Variants in TMEM260 observed in about 807,000 individuals in gnomAD.
The protein encoded by TMEM260 is transmembrane protein 260.
Under a neutral mutation model 88.9 loss-of-function variants are expected in TMEM260, and 82 were observed. That is an observed-to-expected ratio of 0.92 (90% CI 0.77 to 1.11). The LOEUF (loss-of-function observed/expected upper bound fraction) is 1.11, where lower values mean the gene tolerates loss of function less well. Among genes scored for constraint, TMEM260 ranks in the 50% least tolerant of loss-of-function variants. The probability of loss-of-function intolerance (pLI) is 0.00; values close to 1 mark genes in which losing one functional copy is unlikely to be tolerated. For synonymous variants in TMEM260, 314 were observed against 309.3 expected (o/e 1.02, Z -0.16); for missense variants, 902 against 853.4 (o/e 1.06, Z -0.71).
intron 7 of TMEM260, chr14:56,613,948 G>T (rs1240156103): frequency 6.6e-6 from 1 of 151,498 alleles, no homozygotes; most frequent in Admixed American, 6.6e-5. Context: ...TGTCACCCAG[G>T]CTGGAGTGCA....
At chr14:56,612,534 G>T in intron 7 of TMEM260, 1 of 497,628 alleles carries the variant, frequency 2.0e-6, no homozygotes, top group Non-Finnish European at 3.6e-6. Context: ...CATAATATTT[G>T]TATATAACCT....
downstream of TMEM260, chr14:56,650,356 G>A (rs1221498137): frequency 4.1e-6 from 1 of 244,186 alleles, no homozygotes; most frequent in Non-Finnish European, 8.2e-6. Flanking sequence ...GAGGGCAAGT[G>A]GAGAAGCGGA....
chr14:56,617,268 G>T lies in TMEM260; in HGVS notation c.1027G>T (p.Asp343Tyr). 6.3e-7 allele frequency: 1 copy of T among 1,599,780 alleles called. No homozygotes were observed. The highest frequency in any genetic ancestry group is 2.3e-5 in the East Asian group (1 of 44,034). ...SLFFAWRANL[D>Y]ISKPLFMGVV... ...GTTCTTTGCTTGGAGAGCAAATTTA[G>T]ATATTTCAAAACCACTTTTCATGGG... The change falls in exon 9 of 16, where the codon GAT becomes TAT. Residue 343 changes from aspartate (D) to tyrosine (Y), a missense_variant. By Grantham distance (160) the Asp-to-Tyr change is radical (BLOSUM62 -3). Transcript: ENST00000261556.
At chr14:56,640,609 A>G (rs1276017163) in intron 15 of TMEM260, among the ~76,000 whole-genome samples, 1 of 152,248 alleles carries the variant, frequency 6.6e-6, no homozygotes, top group African/African-American at 2.4e-5. Context: ...AAAGGAGCAC[A>G]GCTCCTCACC....
At chr14:56,603,078 T>A (rs531494354) in intron 3 of TMEM260, among the ~76,000 whole-genome samples, 16 of 152,268 alleles carry the variant, frequency 1.1e-4, no homozygotes, top group South Asian at 1.0e-3. Context: ...TCAAAACAAA[T>A]CTCTGAACCG....
chr14:56,660,787 T>C, the TMEM260 span, among the ~76,000 whole-genome samples: 1 of 152,082 alleles, frequency 6.6e-6, no homozygotes, highest in Non-Finnish European at 1.5e-5. Context: ...AGGTTCTGTC[T>C]CTGTCTCGCT....
chr14:56,618,729 C>G lies in TMEM260; in HGVS notation c.1192C>G (p.Leu398Val), dbSNP rs779052468. 62 of 1,614,038 alleles carry G rather than the reference C, an allele frequency of 3.8e-5. No homozygotes were observed. Among genetic ancestry groups the G allele is most frequent in the Middle Eastern group, 1.6e-4 (1 of 6,084 alleles). Residue 398 changes from leucine to valine, a missense_variant, in exon 10 of 16, where the codon CTT becomes GTT. Leu to Val is a conservative substitution (Grantham distance 32, BLOSUM62 1). Coordinates refer to ENST00000261556, the MANE Select transcript of TMEM260 (RefSeq NM_017799.4). ...LQCLEWLSAT[L>V]FVVYQIYSNY... ...GTGTCTGGAATGGCTTTCTGCAACT[C>G]TTTTTGTAGTTTACCAAATATATTC...
intron 13 of TMEM260, 42 bp from the exon 14 acceptor site, chr14:56,634,857 A>AG: frequency 6.5e-7 from 1 of 1,546,354 alleles, no homozygotes. Context: ...AAAAAAAAAA[A>AG]GTGGGTGACA....
At chr14:56,624,840 G>A (rs7152912) in intron 11 of TMEM260, among the ~76,000 whole-genome samples, 1,913 of 149,672 alleles carry the variant, frequency 0.013, 54 homozygotes, top group African/African-American at 0.044. Flanking sequence ...TTACACCAGG[G>A]ACCGGTTTTG....
At chr14:56,640,532 C>T (rs937231922) in intron 15 of TMEM260, among the ~76,000 whole-genome samples, 1 of 152,016 alleles carries the variant, frequency 6.6e-6, no homozygotes, top group African/African-American at 2.4e-5. Flanking sequence ...TAGATAAAAC[C>T]ACAGAGATGG....
chr14:56,611,535 A>G (rs570743036), intron 6 of TMEM260, among the ~76,000 whole-genome samples: 1 of 152,324 alleles, frequency 6.6e-6, no homozygotes, highest in Non-Finnish European at 1.5e-5. Flanking sequence ...TGAAAAAGTC[A>G]AAAAACATGC....
intron 3 of TMEM260, among the ~76,000 whole-genome samples, chr14:56,600,900 A>G (rs1243136243): frequency 6.6e-6 from 1 of 152,198 alleles, no homozygotes; most frequent in Admixed American, 6.5e-5. Context: ...CTTGTCTTCT[A>G]CTATTTTACT....
chr14:56,635,044 T>C, intron 14 of TMEM260, 92 bp downstream of exon 14: 2 of 1,063,654 alleles, frequency 1.9e-6, no homozygotes, highest in African/African-American at 1.6e-5. Context: ...TAGGGGTGAG[T>C]AGTGATAATA....
In TMEM260 at chr14:56,633,067, A is replaced by C; in HGVS notation, c.1620A>C (p.Pro540=). 1 of 1,614,014 alleles carries C rather than the reference A, an allele frequency of 6.2e-7. No homozygotes were observed. Among genetic ancestry groups the C allele is most frequent in the Non-Finnish European group, 8.5e-7 (1 of 1,179,942 alleles). ...PTWKKNYSLW[P]WGSCDKLVPL... ...GGAAAAAGAACTATTCACTTTGGCCATGGGGGTCTTGTGACAAATTAGTTC... is the reference window on the plus strand; with the variant it reads ...GGAAAAAGAACTATTCACTTTGGCCCTGGGGGTCTTGTGACAAATTAGTTC... Residue 540 remains proline (P), a synonymous_variant, in exon 13 of 16, where the codon CCA becomes CCC. Transcript: ENST00000261556.
At chr14:56,617,334 T>C (rs1402126577) in intron 9 of TMEM260, 37 bp downstream of exon 9, 2 of 1,391,474 alleles carry the variant, frequency 1.4e-6, no homozygotes, top group Non-Finnish European at 2.0e-6. Context: ...GACCAGAAAG[T>C]TTGTGAAGAA....
chr14:56,610,992 A>C (rs1439276868), intron 6 of TMEM260, among the ~76,000 whole-genome samples: 4 of 138,760 alleles, frequency 2.9e-5, no homozygotes, highest in Non-Finnish European at 6.0e-5. Context: ...TTTGAGACAG[A>C]GTCTCACTCT....
chr14:56,579,549 C>A, upstream of TMEM260: 1 of 200,172 alleles, frequency 5.0e-6, no homozygotes, highest in Admixed American at 6.0e-5. Flanking sequence ...GCTTTGGTCT[C>A]TGTCAGACCC....
In TMEM260 at chr14:56,632,033, T is replaced by C. The variant is rs1888645083; in HGVS notation, c.1548-962T>C. Among the ~76,000 whole-genome samples, 4 of 152,192 alleles carry C rather than the reference T, an allele frequency of 2.6e-5. No individual in the cohort carries two copies. The South Asian group carries it at 8.3e-4, about 31-fold the overall frequency. On this transcript the variant is annotated intron_variant, in intron 12 of 15. Transcript: ENST00000261556. ...TGGTAACACTACCAGGTACCCAGTC[T>C]GGAACCTGGGTGGTGGTCTGTCCTG...
intron 15 of TMEM260, among the ~76,000 whole-genome samples, chr14:56,638,871 C>G (rs905088904): frequency 6.6e-6 from 1 of 151,986 alleles, no homozygotes; most frequent in African/African-American, 2.4e-5. Flanking sequence ...AATACATCCA[C>G]CAAGACTAAT....
Sources: gnomAD v4.1 joint callset for allele counts (sites outside exome capture counted in the v4.1 genomes callset) on GRCh38, gnomAD v4.1.1 for gene constraint, MANE v1.5 for transcripts, NCBI Gene and HGNC (gene_info 2026-07-23, HGNC 2026-07-21) for gene names.